BACH2: variants seen among roughly 807,000 people sequenced by gnomAD.
BACH2 encodes the protein transcription regulator protein BACH2.
BACH2 carries 5 observed loss-of-function variants against 61.8 expected under a neutral mutation model. The ratio of observed to expected loss-of-function variants is 0.08; its 90% CI spans 0.04 to 0.17. BACH2 has a LOEUF of 0.17. BACH2 is among the 10% of genes least tolerant of loss of function. The pLI is 1.00. For synonymous variants in BACH2, 446 were observed against 440.1 expected (o/e 1.01, Z -0.17); for missense variants, 824 against 1,091.1 (o/e 0.76, Z 3.45).
In BACH2 at chr6:90,244,730, T is replaced by C. The variant is rs1770575876; in HGVS notation, c.-275+7783A>G. On this transcript the variant is annotated intron_variant, in intron 3 of 8. Transcript: ENST00000257749. ...CTGGTATCATATCTGACACATCCCA[T>C]GTTTACCTACTGCACTTGACTCCTC... 2.6e-5 allele frequency among the ~76,000 whole-genome samples: 4 copies of C among 152,204 alleles called. No individual in the cohort carries two copies. In the South Asian group the frequency reaches 8.3e-4, roughly 31 times the overall value.
At chr6:90,212,993 T>A (rs1408890691) in intron 3 of BACH2, among the ~76,000 whole-genome samples, 3 of 152,214 alleles carry the variant, frequency 2.0e-5, no homozygotes, top group African/African-American at 7.2e-5. Context: ...CTGTAAAATG[T>A]AAATCGCAGT....
intron 8 of BACH2, among the ~76,000 whole-genome samples, chr6:89,937,654 C>T (rs182913736): frequency 5.3e-5 from 8 of 152,232 alleles, no homozygotes; most frequent in Admixed American, 4.6e-4. Context: ...CTCAGCCTCC[C>T]GAATAGCTGG....
chr6:90,170,414 G>A (rs751873510), intron 4 of BACH2, among the ~76,000 whole-genome samples: 1 of 152,128 alleles, frequency 6.6e-6, no homozygotes, highest in Non-Finnish European at 1.5e-5. Context: ...TGTAAGCTCA[G>A]TAGGAGCAAG....
chr6:90,101,493 T>C (rs1782625563), intron 4 of BACH2, among the ~76,000 whole-genome samples: 1 of 152,234 alleles, frequency 6.6e-6, no homozygotes, highest in Non-Finnish European at 1.5e-5. Context: ...TTGAAAAGAC[T>C]GTTCTTTCCT....
chr6:89,994,756 T>C (rs1776756999), intron 6 of BACH2, among the ~76,000 whole-genome samples: 1 of 152,218 alleles, frequency 6.6e-6, no homozygotes, highest in South Asian at 2.1e-4. Flanking sequence ...TTCATCCACC[T>C]ACCCATTCAA....
At chr6:90,196,827 A>C (rs1052696666) in intron 4 of BACH2, among the ~76,000 whole-genome samples, 1 of 152,182 alleles carries the variant, frequency 6.6e-6, no homozygotes, top group Non-Finnish European at 1.5e-5. Context: ...GTGGTAAGAA[A>C]TTACAAAACT....
rs867336129 is a variant in BACH2 at position 89,951,633 on chromosome 6, T to C, written c.473A>G (p.Asn158Ser). 2 of 1,614,122 alleles carry C rather than the reference T, an allele frequency of 1.2e-6. No homozygotes were observed. The highest frequency in any genetic ancestry group is 1.6e-4 in the Middle Eastern group (1 of 6,062). The change falls in exon 7 of 9, where the codon AAC becomes AGC. Residue 158 changes from asparagine to serine, a missense_variant. Transcript: ENST00000257749. The surrounding 1 kb of genome is among the most constrained non-coding windows in gnomAD (Gnocchi z 6.4). ...TTCATCCTCCTCCTCTCCTGCAGAG[T>C]TCTCGCAGTCCTCGTGTGGGCGCTG... ...ACQRPHEDCE[N>S]SAGEEEDEEE...
At chr6:89,946,145 G>A (rs1773707110) in intron 7 of BACH2, among the ~76,000 whole-genome samples, 1 of 152,182 alleles carries the variant, frequency 6.6e-6, no homozygotes, top group Non-Finnish European at 1.5e-5. Context: ...TAGGGATTAA[G>A]ATTCCTACAT....
chr6:90,048,484 T>A (rs2127793668), intron 5 of BACH2, among the ~76,000 whole-genome samples: 1 of 152,316 alleles, frequency 6.6e-6, no homozygotes, highest in Admixed American at 6.5e-5. Flanking sequence ...AGGTCTTTGG[T>A]GTCAATGCAA....
rs1359194413 is a variant in BACH2 at position 90,008,276 on chromosome 6, T to C, written c.243+326A>G. The C allele has an allele frequency of 1.7e-5, 6 of 345,642 alleles. No individual in the cohort carries two copies. Among genetic ancestry groups the C allele is most frequent in the Non-Finnish European group, 3.2e-5 (6 of 185,988 alleles). The allele number at this position is 345,642 out of a possible 1,614,324, so 21.4% of individuals were successfully genotyped here. A position where few individuals can be genotyped will look rare whatever the true frequency, so the allele number is the denominator to read the frequency against. On this transcript the variant is annotated intron_variant, in intron 6 of 8. Transcript: ENST00000257749. The surrounding 1 kb of genome is among the most constrained non-coding windows in gnomAD (Gnocchi z 4.1). ...TACACCATCTGAAAGACAGAAATCA[T>C]AGCAATGATTCAGATCCCACATCTA...
intron 5 of BACH2, among the ~76,000 whole-genome samples, chr6:90,016,948 A>C (rs1330936773): frequency 6.6e-6 from 1 of 151,478 alleles, no homozygotes; most frequent in Non-Finnish European, 1.5e-5. Context: ...TGCCTTTAGG[A>C]CTTTTTCTTG....
At chr6:89,942,556 T>A (rs1584508075) in intron 7 of BACH2, among the ~76,000 whole-genome samples, 1 of 151,908 alleles carries the variant, frequency 6.6e-6, no homozygotes, top group Non-Finnish European at 1.5e-5. Context: ...TCCTAAAGAG[T>A]CCCAACAGCC....
Position 90,047,495 on chromosome 6 carries a change from G to C in BACH2, c.-12-38639C>G, listed in dbSNP as rs532278377. On this transcript the variant is annotated intron_variant, in intron 5 of 8. Coordinates refer to ENST00000257749, the MANE Select transcript of BACH2 (RefSeq NM_021813.4). ...TTCTCTTGGATGTCAGTGCTCTTCT[G>C]CTAACAGAACCTATACTTCATGCCC... 2.6e-5 allele frequency among the ~76,000 whole-genome samples: 4 copies of C among 152,220 alleles called. No individual in the cohort carries two copies. The East Asian group carries it at 7.7e-4, about 29-fold the overall frequency.
chr6:90,230,661 A>C (rs1770066165), intron 3 of BACH2, among the ~76,000 whole-genome samples: 1 of 152,176 alleles, frequency 6.6e-6, no homozygotes, highest in South Asian at 2.1e-4. Flanking sequence ...AATGAACGGT[A>C]CTTCTACTGC....
intron 3 of BACH2, among the ~76,000 whole-genome samples, chr6:90,214,332 TCAACTTCCCTCTCCCTTGGCG>T (rs1222202795): frequency 2.0e-5 from 3 of 148,212 alleles, no homozygotes; most frequent in African/African-American, 7.4e-5. Context: ...CCAAATAATT[TCAACTTCCCTCTCCCTTGGCG>T]GGGCGGGGGG....
chr6:90,079,299 C>G (rs1328712233), intron 5 of BACH2, among the ~76,000 whole-genome samples: 1 of 152,164 alleles, frequency 6.6e-6, no homozygotes, highest in African/African-American at 2.4e-5. Context: ...ACCAAACACA[C>G]AAAAAGTTTT....
chr6:90,247,801 T>C (rs910214394), intron 3 of BACH2, among the ~76,000 whole-genome samples: 9 of 152,164 alleles, frequency 5.9e-5, no homozygotes, highest in African/African-American at 1.9e-4. Context: ...TCCTCCCTCA[T>C]AGCTTCAGCT....
intron 2 of BACH2, 70 bp downstream of exon 2, chr6:90,271,779 C>G (rs1490823243): frequency 6.6e-6 from 1 of 152,314 alleles, no homozygotes; most frequent in African/African-American, 2.4e-5. Flanking sequence ...CACTTTCACA[C>G]TGCTGGTGGG....
chr6:90,060,601 C>A (rs1780634363), intron 5 of BACH2, among the ~76,000 whole-genome samples: 1 of 151,940 alleles, frequency 6.6e-6, no homozygotes, highest in Non-Finnish European at 1.5e-5. Context: ...TTATCTGATA[C>A]TTCAAACATC....
Sources: gnomAD v4.1 joint callset for allele counts (sites outside exome capture counted in the v4.1 genomes callset) on GRCh38, gnomAD v4.1.1 for gene constraint, Gnocchi (gnomAD v3.1) non-coding constraint, MANE v1.5 for transcripts, NCBI Gene and HGNC (gene_info 2026-07-23, HGNC 2026-07-21) for gene names.